The following RNF31 variants were observed in gnomAD, a reference collection of about 807,000 sequenced individuals.
The protein encoded by RNF31 is E3 ubiquitin-protein ligase RNF31.
Under a neutral mutation model 133.6 loss-of-function variants are expected in RNF31, and 38 were observed. The observed-to-expected ratio is 0.28, with a 90% CI of 0.22 to 0.37. The LOEUF is 0.37. Among genes scored for constraint, RNF31 ranks in the 10% least tolerant of loss-of-function variants. The pLI is 1.00. For synonymous variants in RNF31, 582 were observed against 552.3 expected, an observed-to-expected ratio of 1.05 and a Z score of -0.75; for missense variants, 1,118 against 1,394.1, an observed-to-expected ratio of 0.80 and a Z score of 3.15.
intron 18 of RNF31, chr14:24,158,840 T>C (rs7401709): frequency 0.032 from 4,849 of 151,100 alleles, 87 homozygotes; most frequent in Middle Eastern, 0.044. Flanking sequence ...GAGACCATCC[T>C]GGCTAACACG....
chr14:24,159,543 C>T (rs1220895290), intron 18 of RNF31, among the ~76,000 whole-genome samples: 2 of 137,214 alleles, frequency 1.5e-5, no homozygotes, highest in African/African-American at 2.8e-5. Flanking sequence ...GAGGTAAGAT[C>T]TTCCGATAAT....
In RNF31 at chr14:24,151,164, ATCT is replaced by A. The variant is rs1330562780; in HGVS notation, c.1526_1528del (p.Phe509del). 1 of 1,614,068 alleles carries A rather than the reference ATCT, an allele frequency of 6.2e-7. No homozygotes were observed. Among genetic ancestry groups the A allele is most frequent in the Admixed American group, 1.7e-5 (1 of 60,012 alleles). On this transcript the variant is annotated inframe_deletion, in exon 9 of 21. Transcript: ENST00000324103. This position sits in a 1 kb window ranked among gnomAD's most constrained non-coding sequence, Gnocchi z 5.3. ...AGCCGCAGGTGCCTGTCCAGAGGAG[ATCT>A]TCTCGGCTCTGCAGTACTCGGGCAC...
chr14:24,154,918 G>C (rs1265433358), intron 11 of RNF31: 1 of 555,028 alleles, frequency 1.8e-6, no homozygotes, highest in African/African-American at 1.9e-5. Flanking sequence ...AATGGAATAT[G>C]AATGTTTTTA....
At chr14:24,149,164 T>C (rs2038225485) in intron 5 of RNF31, 1 of 596,110 alleles carries the variant, frequency 1.7e-6, no homozygotes, top group African/African-American at 1.9e-5. Context: ...GGTTTCTCCA[T>C]GTTGGTCAGG....
At chr14:24,152,021 A>G (rs2038274454) in intron 11 of RNF31, 29 bp downstream of exon 11, 1 of 1,603,890 alleles carries the variant, frequency 6.2e-7, no homozygotes, top group Admixed American at 1.7e-5. Context: ...TACCTGGTCC[A>G]AGAATTACTC....
chr14:24,148,188 G>A, intron 2 of RNF31, 66 bp downstream of exon 2: 1 of 1,613,074 alleles, frequency 6.2e-7, no homozygotes. Flanking sequence ...AGGTTGTGCT[G>A]AATGGGAAGG....
chr14:24,157,858 C>A (rs770425541), intron 16 of RNF31, 40 bp from the exon 17 acceptor site: 1 of 1,557,704 alleles, frequency 6.4e-7, no homozygotes, highest in East Asian at 2.2e-5. Context: ...AGGACCCCAA[C>A]AGTCTCCAAC....
rs1290138139 is a variant in RNF31 at position 24,158,140 on chromosome 14, A to G, written c.2842-2A>G. On this transcript the variant is annotated splice_acceptor_variant, in intron 17 of 20. Transcript: ENST00000324103. LOFTEE classifies it high-confidence loss of function. ...TAACACCCATCTGTCTCTCCTCCTC[A>G]GGACAATAACGTCATGTTTAATACA... 1 of 1,614,114 alleles carries G rather than the reference A, an allele frequency of 6.2e-7. No individual in the cohort carries two copies. Among genetic ancestry groups the G allele is most frequent in the African/African-American group, 1.3e-5 (1 of 74,940 alleles).
At chr14:24,158,111 A>G (rs2038374035) in intron 17 of RNF31, 31 bp from the exon 18 acceptor site, 1 of 1,613,520 alleles carries the variant, frequency 6.2e-7, no homozygotes, top group Non-Finnish European at 8.5e-7. Context: ...CATCAAGGGG[A>G]ATGTAACACC....
chr14:24,156,288 T>C (rs2038339819), intron 14 of RNF31, among the ~76,000 whole-genome samples: 2 of 152,144 alleles, frequency 1.3e-5, no homozygotes, highest in African/African-American at 4.8e-5. Flanking sequence ...TGATACTATC[T>C]CATTTATCTT....
At chr14:24,148,901 C>T (rs1185414283) in intron 5 of RNF31, 25 bp downstream of exon 5, 1 of 1,592,100 alleles carries the variant, frequency 6.3e-7, no homozygotes, top group South Asian at 1.1e-5. Context: ...AAATTGGGGA[C>T]CAGGTAGGAA....
Position 24,149,413 on chromosome 14 carries a change from T to G in RNF31, c.639T>G (p.Thr213=). 6.2e-7 allele frequency: 1 copy of G among 1,613,870 alleles called. No homozygotes were observed. Among genetic ancestry groups the G allele is most frequent in the Non-Finnish European group, 8.5e-7 (1 of 1,179,782 alleles). Residue 213 remains threonine, a synonymous_variant, in exon 6 of 21, where the codon ACT becomes ACG. Coordinates refer to ENST00000324103, the MANE Select transcript of RNF31 (RefSeq NM_017999.5). ...ATCTCTCCTGCCCTCCAGGCTCCAC[T>G]CCTGGTCCCTGCTTCCTCTGTGGTT... ...PLTTPSVPGS[T]PGPCFLCGSA...
chr14:24,150,656 C>T lies in RNF31; in HGVS notation c.1256C>T (p.Thr419Ile). The T allele has an allele frequency of 6.2e-7, 1 of 1,614,240 alleles. No individual in the cohort carries two copies. The highest frequency in any genetic ancestry group is 8.5e-7 in the Non-Finnish European group (1 of 1,180,038). The change falls in exon 8 of 21, where the codon ACC becomes ATC. Residue 419 changes from threonine (T) to isoleucine (I), a missense_variant. Around this residue, in one of 3 missense-constraint regions of RNF31, gnomAD observed 747 missense variants for 827.9 expected, o/e 0.90. Coordinates refer to ENST00000324103, the MANE Select transcript of RNF31 (RefSeq NM_017999.5). ...QSQVWYCIHC[T>I]FCNSSPGWVC... The stretch of plus-strand genomic sequence containing the variant: ...CAAGTCTGGTACTGTATTCACTGTA[C>T]CTTCTGCAACTCGAGCCCTGGCTGG...
In RNF31 at chr14:24,148,324, G is replaced by C. The variant is rs200194901; in HGVS notation, c.406G>C (p.Glu136Gln). Reference protein sequence around the residue: ...EEQPDGLSFPEGQEEPDEHQV... With the variant: ...EEQPDGLSFPQGQEEPDEHQV... ...GCAACCAGATGGGTTGAGCTTCCCC[G>C]AAGGGCAGGAGGAGCCAGATGAGCA... The change falls in exon 3 of 21, where the codon GAA (glutamate) becomes CAA (glutamine). Residue 136 changes from glutamate (E) to glutamine (Q), a missense_variant. By Grantham distance (29) the Glu-to-Gln change is conservative. Transcript: ENST00000324103. 9.3e-6 allele frequency: 15 copies of C among 1,614,100 alleles called. No homozygotes were observed. The highest frequency in any genetic ancestry group is 1.2e-5 in the Non-Finnish European group (14 of 1,180,050).
chr14:24,151,622 G>T lies in RNF31; in HGVS notation c.1875G>T (p.Trp625Cys). Residue 625 changes from tryptophan (W) to cysteine (C), a missense_variant, in exon 10 of 21, where the codon TGG becomes TGT. This residue lies in a region of RNF31 where 747 missense variants were observed against 827.9 expected (regional missense o/e 0.90). Coordinates refer to ENST00000324103, the MANE Select transcript of RNF31 (RefSeq NM_017999.5). The surrounding 1 kb of genome is among the most constrained non-coding windows in gnomAD (Gnocchi z 5.3). ...QRLEPFRQRLWDSGPEPTPSW... is the reference protein window; with the variant it reads ...QRLEPFRQRLCDSGPEPTPSW... ...TAGAGCCCTTCCGCCAGCGCCTCTG[G>T]GACAGTGGCCCTGAGCCCACCCCTT... 2 of 1,613,238 alleles carry T rather than the reference G, an allele frequency of 1.2e-6. No homozygotes were observed. Among genetic ancestry groups the T allele is most frequent in the Non-Finnish European group, 1.7e-6 (2 of 1,180,032 alleles).
At chr14:24,156,905 CTT>C (rs1465978031) in intron 14 of RNF31, among the ~76,000 whole-genome samples, 11 of 152,162 alleles carry the variant, frequency 7.2e-5, no homozygotes, top group Non-Finnish European at 1.5e-4. Context: ...AGCTACCTGA[CTT>C]ACAGTTTTGA....
chr14:24,148,956 A>G (rs2038221076), intron 5 of RNF31, 80 bp downstream of exon 5: 2 of 1,213,718 alleles, frequency 1.6e-6, no homozygotes, highest in Non-Finnish European at 2.4e-6. Context: ...CTTCTTGGTT[A>G]TCTTCCTTTG....
At chr14:24,159,782 C>A in intron 18 of RNF31, 82 bp from the exon 19 acceptor site, 1 of 1,116,926 alleles carries the variant, frequency 9.0e-7, no homozygotes, top group Non-Finnish European at 1.3e-6. Flanking sequence ...AGGCTGCCTT[C>A]CCTGCCTTGT....
At chr14:24,153,571 C>T (rs867422842) in intron 11 of RNF31, among the ~76,000 whole-genome samples, 9 of 145,924 alleles carry the variant, frequency 6.2e-5, no homozygotes, top group Admixed American at 1.4e-4. Context: ...AATGAGATTC[C>T]GTCTCAAAAA....
Sources: gnomAD v4.1 joint callset for allele counts (sites outside exome capture counted in the v4.1 genomes callset) on GRCh38, gnomAD v4.1.1 for gene constraint, gnomAD v4.1.1 regional missense constraint, Gnocchi (gnomAD v3.1) non-coding constraint, MANE v1.5 for transcripts, NCBI Gene and HGNC (gene_info 2026-07-23, HGNC 2026-07-21) for gene names.